The following SECISBP2L variants were observed in gnomAD, a reference collection of about 807,000 sequenced individuals.
The protein encoded by SECISBP2L is SECIS binding protein 2 like.
Under a neutral mutation model 114.7 loss-of-function variants are expected in SECISBP2L, and 43 were observed. That is an observed-to-expected ratio of 0.38 (90% CI 0.29 to 0.48). The LOEUF is 0.48. Ranked by LOEUF, SECISBP2L falls within the 20% of genes least tolerant of loss-of-function variation. The probability of loss-of-function intolerance (pLI) is 0.98; values close to 1 mark genes in which losing one functional copy is unlikely to be tolerated. For synonymous variants in SECISBP2L, 451 were observed against 439.7 expected (o/e 1.03, Z -0.32); for missense variants, 1,136 against 1,301.1 (o/e 0.87, Z 1.95).
At chr15:49,011,534 TATA>T (rs1902436304) in intron 13 of SECISBP2L, 194 bp downstream of exon 13, 1 of 585,238 alleles carries the variant, frequency 1.7e-6, no homozygotes, top group African/African-American at 1.8e-5. Flanking sequence ...AGGCCTACTA[TATA>T]ATACCTGTCC....
At chr15:49,006,874 A>T (rs914992962) in intron 14 of SECISBP2L, among the ~76,000 whole-genome samples, 1 of 152,054 alleles carries the variant, frequency 6.6e-6, no homozygotes, top group Non-Finnish European at 1.5e-5. Context: ...GAGAAGAGGT[A>T]TTCTGGTTTT....
At chr15:49,026,701 T>G (rs141312453) in intron 7 of SECISBP2L, among the ~76,000 whole-genome samples, 2 of 152,220 alleles carry the variant, frequency 1.3e-5, no homozygotes, top group Non-Finnish European at 2.9e-5. Flanking sequence ...CAGATGAACA[T>G]GTCCATATAG....
At chr15:49,015,997 G>C (rs1276068561) in intron 11 of SECISBP2L, among the ~76,000 whole-genome samples, 2 of 152,190 alleles carry the variant, frequency 1.3e-5, no homozygotes, top group African/African-American at 4.8e-5. Flanking sequence ...TGTGTCTGAG[G>C]ACTGCTAATG....
chr15:49,028,418 A>G, intron 5 of SECISBP2L, 35 bp downstream of exon 5: 1 of 1,586,492 alleles, frequency 6.3e-7, no homozygotes, highest in African/African-American at 1.3e-5. Context: ...ACTGATATCA[A>G]TGACCAATAA....
chr15:49,013,045 A>C (rs1902468323), intron 11 of SECISBP2L: 2 of 458,282 alleles, frequency 4.4e-6, no homozygotes, highest in South Asian at 6.2e-5. Context: ...TTATAGGGGT[A>C]AATAATTAGT....
chr15:49,017,093 G>T (rs536188559), intron 9 of SECISBP2L, 78 bp from the exon 10 acceptor site: 1 of 1,450,438 alleles, frequency 6.9e-7, no homozygotes, highest in African/African-American at 1.4e-5. Flanking sequence ...CAGAATGTGG[G>T]ATGTTCTGCA....
chr15:49,029,389 A>G (rs900611648), intron 4 of SECISBP2L, among the ~76,000 whole-genome samples: 1 of 152,108 alleles, frequency 6.6e-6, no homozygotes, highest in African/African-American at 2.4e-5. Flanking sequence ...GTATTTCTAA[A>G]ACCTAAATCA....
rs556374223 is a variant in SECISBP2L, at chr15:49,014,775, A to G, written c.1561+1785T>C. On this transcript the variant is annotated intron_variant, in intron 11 of 17. Transcript: ENST00000559471. ...TATAGTTATATAATTTATAGTAATTATATCATATTAACATTTAGCAACTGC... is the reference window on the plus strand; with the variant it reads ...TATAGTTATATAATTTATAGTAATTGTATCATATTAACATTTAGCAACTGC... 6.1e-5 allele frequency among the ~76,000 whole-genome samples: 9 copies of G among 147,886 alleles called. No homozygotes were observed. In the East Asian group the frequency reaches 7.8e-4, roughly 13 times the overall value.
In SECISBP2L at chr15:49,046,362, C is replaced by G; in HGVS notation, c.-63G>C. ...TAAACAGCGCCTCGGGCCGCTTTCT[C>G]CATGGCCCCCCGCTCGGGTCCAGAC... On this transcript the variant is annotated 5_prime_UTR_variant, in exon 1 of 18. Transcript: ENST00000559471. The G allele has an allele frequency of 5.7e-6, 8 of 1,411,820 alleles. No individual in the cohort carries two copies. Among genetic ancestry groups the G allele is most frequent in the Non-Finnish European group, 7.4e-6 (8 of 1,074,392 alleles). The allele number at this position is 1,411,820 out of a possible 1,614,324, so 87.5% of individuals were successfully genotyped here. A position where few individuals can be genotyped will look rare whatever the true frequency, so the allele number is the denominator to read the frequency against.
chr15:49,020,799 T>C (rs1275678028), intron 7 of SECISBP2L, among the ~76,000 whole-genome samples: 1 of 152,146 alleles, frequency 6.6e-6, no homozygotes, highest in Non-Finnish European at 1.5e-5. Context: ...TGATTCACCG[T>C]GCCCAGCTAC....
At chr15:49,027,210 TTAAG>T (rs1051499120) in intron 7 of SECISBP2L, among the ~76,000 whole-genome samples, 151 bp downstream of exon 7, 26 of 152,194 alleles carry the variant, frequency 1.7e-4, no homozygotes, top group African/African-American at 5.5e-4. Flanking sequence ...GTTTCATTAT[TTAAG>T]TAAGTTTATT....
At chr15:48,999,622 C>T (rs1325160859) in intron 16 of SECISBP2L, among the ~76,000 whole-genome samples, 1 of 152,150 alleles carries the variant, frequency 6.6e-6, no homozygotes, top group African/African-American at 2.4e-5. Context: ...CGAACTAAAA[C>T]CTTTTCAAAA....
rs768577213 is a variant in SECISBP2L, at chr15:49,027,357, C to T, written c.1035+8G>A. On this transcript the variant is annotated splice_region_variant and intron_variant, in intron 7 of 17. Transcript: ENST00000559471. ...CTAATCAATTTTCTCCAACCTAATT[C>T]GAATTACCTGTGAATTATTTCTTTG... 1.5e-5 allele frequency: 24 copies of T among 1,594,020 alleles called. No homozygotes were observed. Among genetic ancestry groups the T allele is most frequent in the East Asian group, 6.7e-5 (3 of 44,546 alleles).
At chr15:48,998,548 GA>G (rs372475916) in intron 16 of SECISBP2L, among the ~76,000 whole-genome samples, 95 of 152,058 alleles carry the variant, frequency 6.2e-4, no homozygotes, top group African/African-American at 2.2e-3. Flanking sequence ...CAATATAAAA[GA>G]AAGAAAGAAA....
chr15:49,032,916 T>C lies in SECISBP2L; in HGVS notation c.664+49A>G, dbSNP rs532301241. On this transcript the variant is annotated intron_variant, in intron 4 of 17. Transcript: ENST00000559471. ...AGACCACAATTATAAAGTGAATGAA[T>C]GAAAACAGATAAAAATCAGTGACGC... 14 of 1,599,626 alleles carry C rather than the reference T, an allele frequency of 8.8e-6. No individual in the cohort carries two copies. The African/African-American group carries it at 1.5e-4, about 17-fold the overall frequency.
At position 49,000,870 on chromosome 15, in the gene SECISBP2L, C is replaced by T. The variant is rs200419545; in HGVS notation, c.2248+7G>A. ...ATCAAAACACTTCAAAAGCAAAAAG[C>T]GCATACCTTTTGACTGGATTTTTTC... On this transcript the variant is annotated splice_region_variant and intron_variant, in intron 15 of 17. Coordinates refer to ENST00000559471, the MANE Select transcript of SECISBP2L (RefSeq NM_001193489.2). The T allele has an allele frequency of 4.0e-5, 65 of 1,609,000 alleles. No homozygotes were observed. Among genetic ancestry groups the T allele is most frequent in the East Asian group, 3.8e-4 (17 of 44,790 alleles).
Position 49,000,970 on chromosome 15 carries a change from C to T in SECISBP2L, c.2155G>A (p.Val719Ile), listed in dbSNP as rs1159062866. 7 of 1,613,720 alleles carry T rather than the reference C, an allele frequency of 4.3e-6. No homozygotes were observed. Among genetic ancestry groups the T allele is most frequent in the African/African-American group, 4.0e-5 (3 of 74,886 alleles). The change falls in exon 15 of 18, where the codon GTT (valine) becomes ATT (isoleucine). Residue 719 changes from valine to isoleucine, a missense_variant. Around this residue, in one of 2 missense-constraint regions of SECISBP2L, gnomAD observed 684 missense variants for 848.7 expected, o/e 0.81. Coordinates refer to ENST00000559471, the MANE Select transcript of SECISBP2L (RefSeq NM_001193489.2). ...PVRAKARRRLVMGLREVTKHM... is the reference protein window; with the variant it reads ...PVRAKARRRLIMGLREVTKHM... Reference sequence around the variant, plus strand: ...TTGGTAACTTCTCTTAGACCCATAACGAGTCGTCTCCTTGCTTTTGCTCTT... The same window carrying T: ...TTGGTAACTTCTCTTAGACCCATAATGAGTCGTCTCCTTGCTTTTGCTCTT...
intron 13 of SECISBP2L, among the ~76,000 whole-genome samples, chr15:49,010,772 A>G (rs1902421787): frequency 6.6e-6 from 1 of 152,170 alleles, no homozygotes; most frequent in Non-Finnish European, 1.5e-5. Flanking sequence ...TTGGCTTACC[A>G]AAGTGTTGGG....
intron 14 of SECISBP2L, among the ~76,000 whole-genome samples, chr15:49,001,506 G>T (rs1407833001): frequency 8.1e-5 from 12 of 148,712 alleles, no homozygotes; most frequent in African/African-American, 1.3e-4. Context: ...GGATACAGGT[G>T]CAGAACATGC....
Sources: gnomAD v4.1 joint callset for allele counts (sites outside exome capture counted in the v4.1 genomes callset) on GRCh38, gnomAD v4.1.1 for gene constraint, gnomAD v4.1.1 regional missense constraint, MANE v1.5 for transcripts, NCBI Gene and HGNC (gene_info 2026-07-23, HGNC 2026-07-21) for gene names.